MARCHF8: variants seen among roughly 807,000 people sequenced by gnomAD.
MARCHF8 encodes the protein membrane associated ring-CH-type finger 8, also known as E3 ubiquitin-protein ligase MARCHF8.
MARCHF8 carries 40 observed loss-of-function variants against 51.6 expected under a neutral mutation model. The observed-to-expected ratio is 0.77, with a 90% CI of 0.60 to 1.01. The LOEUF (loss-of-function observed/expected upper bound fraction) is 1.01, where lower values mean the gene tolerates loss of function less well. MARCHF8 is among the 50% of genes least tolerant of loss of function. The pLI is 0.00. For synonymous variants in MARCHF8, 263 were observed against 280.3 expected, an observed-to-expected ratio of 0.94 and a Z score of 0.62; for missense variants, 685 against 708.6, an observed-to-expected ratio of 0.97 and a Z score of 0.38.
At position 45,455,417 on chromosome 10, in the gene MARCHF8, C is replaced by G. The variant is rs1174233115; in HGVS notation, c.*2822G>C. 1.3e-5 allele frequency: 2 copies of G among 152,168 alleles called. No homozygotes were observed. Among genetic ancestry groups the G allele is most frequent in the Admixed American group, 1.3e-4 (2 of 15,266 alleles). The allele number at this position is 152,168 out of a possible 1,614,324, so 9.4% of individuals were successfully genotyped here. ...TCAGAGAGGGCTGGCTGGTGATACCCCAGACCACTTGCCTCTTCCCCTTCC... is the reference window on the plus strand; with the variant it reads ...TCAGAGAGGGCTGGCTGGTGATACCGCAGACCACTTGCCTCTTCCCCTTCC... On this transcript the variant is annotated 3_prime_UTR_variant, in exon 8 of 8. Coordinates refer to ENST00000453424, the MANE Select transcript of MARCHF8 (RefSeq NM_001282866.2).
Position 45,457,894 on chromosome 10 carries a change from A to C in MARCHF8, c.*345T>G. 2 of 237,442 alleles carry C rather than the reference A, an allele frequency of 8.4e-6. No homozygotes were observed. The highest frequency in any genetic ancestry group is 1.6e-5 in the Non-Finnish European group (2 of 124,792). 14.7% of individuals were successfully genotyped at this position (237,442 alleles called of 1,614,324 possible). ...CACTGCAAGCTGGAGGCGGCTGGGT[A>C]TCAGGGCCTGGGCACCCCTGCTCCT... On this transcript the variant is annotated 3_prime_UTR_variant, in exon 8 of 8. Coordinates refer to ENST00000453424, the MANE Select transcript of MARCHF8 (RefSeq NM_001282866.2).
intron 3 of MARCHF8, 117 bp downstream of exon 3, chr10:45,489,250 A>T (rs2133083909): frequency 1.3e-6 from 1 of 783,422 alleles, no homozygotes; most frequent in East Asian, 2.6e-5. Context: ...AGATTACAGA[A>T]ATGTATCAAG....
intron 3 of MARCHF8, among the ~76,000 whole-genome samples, chr10:45,488,274 G>A (rs1340669948): frequency 6.6e-6 from 1 of 152,088 alleles, no homozygotes; most frequent in Non-Finnish European, 1.5e-5. Context: ...GCGGCCAGGT[G>A]GGACTTGTGG....
intron 1 of MARCHF8, among the ~76,000 whole-genome samples, chr10:45,533,550 C>A (rs1239106020): frequency 6.6e-6 from 1 of 152,076 alleles, no homozygotes; most frequent in East Asian, 1.9e-4. Flanking sequence ...CCATTGGCTA[C>A]TTAGGATTAA....
At chr10:45,528,641 T>A (rs1485577286) in intron 2 of MARCHF8, among the ~76,000 whole-genome samples, 2 of 152,130 alleles carry the variant, frequency 1.3e-5, no homozygotes, top group Non-Finnish European at 2.9e-5. Flanking sequence ...TTGTATTTTT[T>A]GTTGTGAGGA....
intron 6 of MARCHF8, among the ~76,000 whole-genome samples, chr10:45,460,795 C>A (rs1449807908): frequency 2.6e-5 from 4 of 152,178 alleles, no homozygotes; most frequent in African/African-American, 7.2e-5. Flanking sequence ...TCCCATCCAG[C>A]AAATAGTTAT....
At chr10:45,590,536 A>T (rs934609600) in intron 1 of MARCHF8, among the ~76,000 whole-genome samples, 2 of 152,206 alleles carry the variant, frequency 1.3e-5, no homozygotes, top group African/African-American at 4.8e-5. Flanking sequence ...GACAAACAAC[A>T]ACTCCAATCC....
At chr10:45,568,861 G>A (rs1258422659) in intron 1 of MARCHF8, among the ~76,000 whole-genome samples, 2 of 151,788 alleles carry the variant, frequency 1.3e-5, no homozygotes, top group Non-Finnish European at 2.9e-5. Context: ...GAGGTCAGGA[G>A]ATCGAGACCA....
intron 3 of MARCHF8, among the ~76,000 whole-genome samples, chr10:45,479,293 T>G (rs1377477675): frequency 6.6e-6 from 1 of 152,122 alleles, no homozygotes; most frequent in Non-Finnish European, 1.5e-5. Context: ...AAATTCAACA[T>G]TCCTTCATGA....
chr10:45,538,704 T>C (rs1442395117), upstream of MARCHF8, among the ~76,000 whole-genome samples: 1 of 151,728 alleles, frequency 6.6e-6, no homozygotes, highest in African/African-American at 2.4e-5. Context: ...CCAACAAAGA[T>C]CAAAGGAGAC....
chr10:45,547,029 C>A (rs555809601), intron 1 of MARCHF8, among the ~76,000 whole-genome samples: 1 of 151,778 alleles, frequency 6.6e-6, no homozygotes, highest in East Asian at 1.9e-4. Flanking sequence ...TCTAGACTGG[C>A]CTGGGCAACA....
chr10:45,572,735 G>C (rs993093349), intron 1 of MARCHF8, among the ~76,000 whole-genome samples: 6 of 151,922 alleles, frequency 3.9e-5, no homozygotes, highest in Non-Finnish European at 7.4e-5. Context: ...TGAGTCTTTT[G>C]AATCTTCCTT....
At chr10:45,571,500 C>A (rs1174615028) in intron 1 of MARCHF8, among the ~76,000 whole-genome samples, 3 of 152,240 alleles carry the variant, frequency 2.0e-5, no homozygotes, top group East Asian at 3.9e-4. Context: ...CCCACCTGCA[C>A]CCAGGTGATT....
intron 1 of MARCHF8, among the ~76,000 whole-genome samples, chr10:45,559,108 C>A (rs957845710): frequency 1.3e-5 from 2 of 152,164 alleles, no homozygotes; most frequent in South Asian, 2.1e-4. Flanking sequence ...ATAACTTTAG[C>A]CCTGTCATCA....
chr10:45,456,377 G>A lies in MARCHF8; in HGVS notation c.*1862C>T, dbSNP rs1011374214. ...GCTGGACAGTGCCTGCCCGGCCAGA[G>A]GAAGGCCACAGCAGAGCCACTCCAC... is the stretch of plus-strand genomic sequence containing the variant. On this transcript the variant is annotated 3_prime_UTR_variant, in exon 8 of 8. Coordinates refer to ENST00000453424, the MANE Select transcript of MARCHF8 (RefSeq NM_001282866.2). 1 of 152,320 alleles carries A rather than the reference G, an allele frequency of 6.6e-6. No individual in the cohort carries two copies. Among genetic ancestry groups the A allele is most frequent in the Non-Finnish European group, 1.5e-5 (1 of 68,136 alleles). 9.4% of individuals were successfully genotyped at this position (152,320 alleles called of 1,614,324 possible).
chr10:45,550,849 C>T (rs1373626054), intron 1 of MARCHF8, among the ~76,000 whole-genome samples: 1 of 152,192 alleles, frequency 6.6e-6, no homozygotes, highest in African/African-American at 2.4e-5. Flanking sequence ...ATAGCAGTTA[C>T]CCAATTTCTT....
intron 1 of MARCHF8, among the ~76,000 whole-genome samples, chr10:45,576,909 A>G (rs1011496019): frequency 6.6e-6 from 1 of 151,090 alleles, no homozygotes; most frequent in African/African-American, 2.4e-5. Flanking sequence ...GTGAGCTACA[A>G]TTGCACCACT....
At chr10:45,471,415 T>C (rs553900549) in intron 3 of MARCHF8, among the ~76,000 whole-genome samples, 8 of 152,340 alleles carry the variant, frequency 5.3e-5, no homozygotes, top group Non-Finnish European at 1.0e-4. Context: ...CAATGATTTC[T>C]GAGCAAAGGT....
At chr10:45,580,001 T>TC (rs2044535942) in intron 1 of MARCHF8, among the ~76,000 whole-genome samples, 1 of 60,544 alleles carries the variant, frequency 1.7e-5, no homozygotes, top group Non-Finnish European at 2.8e-5. Context: ...AGACTCCGTC[T>TC]CCAAAAAAAA....
Sources: gnomAD v4.1 joint callset for allele counts (sites outside exome capture counted in the v4.1 genomes callset) on GRCh38, gnomAD v4.1.1 for gene constraint, MANE v1.5 for transcripts, NCBI Gene and HGNC (gene_info 2026-07-23, HGNC 2026-07-21) for gene names.